The following EGF variants were observed in gnomAD, a reference collection of about 807,000 sequenced individuals.
EGF encodes epidermal growth factor, also known as pro-epidermal growth factor.
A neutral mutation model predicts 143.8 loss-of-function variants in EGF; 95 were observed. The ratio of observed to expected loss-of-function variants is 0.66; its 90% CI spans 0.56 to 0.78. EGF has a LOEUF of 0.78. Ranked by LOEUF, EGF falls within the 30% of genes least tolerant of loss-of-function variation. The probability of loss-of-function intolerance (pLI) is 0.00; values close to 1 mark genes in which losing one functional copy is unlikely to be tolerated. For synonymous variants in EGF, 510 were observed against 510.5 expected, an observed-to-expected ratio of 1.00 and a Z score of 0.01; for missense variants, 1,320 against 1,470.9, an observed-to-expected ratio of 0.90 and a Z score of 1.68.
chr4:109,980,115 G>A lies in EGF; in HGVS notation c.2197G>A (p.Val733Met), dbSNP rs1218723241. The change falls in exon 14 of 24, where the codon GTG becomes ATG. Residue 733 changes from valine (V) to methionine (M), a missense_variant. Physicochemically the swap from Val to Met is conservative, Grantham distance 21. Coordinates refer to ENST00000265171, the MANE Select transcript of EGF (RefSeq NM_001963.6). ...GSMLKPSSLV[V>M]VHPLAKPGAD... is the part of the protein sequence containing the mutation. ...CATGCTGAAGCCCTCATCACTGGTT[G>A]TGGTTCATCCATTGGCAAAACCAGG... is the stretch of plus-strand genomic sequence containing the variant. The A allele has an allele frequency of 6.2e-7, 1 of 1,611,830 alleles. No individual in the cohort carries two copies. The highest frequency in any genetic ancestry group is 1.1e-5 in the South Asian group (1 of 90,564).
chr4:110,006,289 G>T (rs968366047), intron 22 of EGF, among the ~76,000 whole-genome samples: 7 of 151,624 alleles, frequency 4.6e-5, no homozygotes, highest in Admixed American at 2.6e-4. Flanking sequence ...AGGTTGCAGT[G>T]AGCTATGATA....
intron 5 of EGF, among the ~76,000 whole-genome samples, chr4:109,955,773 A>G (rs1306108862): frequency 1.3e-5 from 2 of 152,200 alleles, no homozygotes; most frequent in African/African-American, 4.8e-5. Flanking sequence ...TGTTTACTGG[A>G]TGCCTATGTT....
chr4:109,943,182 A>G (rs942849036), intron 2 of EGF, 72 bp from the exon 3 acceptor site: 65 of 1,060,372 alleles, frequency 6.1e-5, no homozygotes, highest in Non-Finnish European at 8.1e-5. Flanking sequence ...GACTTTTTAT[A>G]TATAACAATT....
In EGF at chr4:110,012,642, A is replaced by C. The variant is rs905886928; in HGVS notation, c.*1187A>C. ...GCAAGGTCGTGCTGGTAATTTTGCA[A>C]AATGAATTGTGATTGACTTTCAGCC... On this transcript the variant is annotated 3_prime_UTR_variant, in exon 24 of 24. Transcript: ENST00000265171. 2.0e-5 allele frequency among the ~76,000 whole-genome samples: 3 copies of C among 152,186 alleles called. No homozygotes were observed. The highest frequency in any genetic ancestry group is 7.2e-5 in the African/African-American group (3 of 41,444).
At chr4:109,951,217 G>A (rs1743859486) in intron 5 of EGF, among the ~76,000 whole-genome samples, 1 of 149,274 alleles carries the variant, frequency 6.7e-6, no homozygotes, top group South Asian at 2.1e-4. Flanking sequence ...AATTAACTGG[G>A]TGTGGTGGTG....
intron 5 of EGF, among the ~76,000 whole-genome samples, chr4:109,958,447 C>T (rs763999465): frequency 5.3e-5 from 8 of 152,094 alleles, no homozygotes; most frequent in Non-Finnish European, 1.0e-4. Context: ...ACACCCAACT[C>T]GCTGAGCAGA....
intron 7 of EGF, among the ~76,000 whole-genome samples, chr4:109,961,376 A>G (rs141507541): frequency 3.2e-4 from 48 of 152,244 alleles, no homozygotes; most frequent in African/African-American, 1.0e-3. Flanking sequence ...AACAAAAACC[A>G]TGGATGACTG....
chr4:109,962,271 G>GATAC (rs1027653674), intron 8 of EGF, among the ~76,000 whole-genome samples: 18 of 152,192 alleles, frequency 1.2e-4, no homozygotes, highest in Non-Finnish European at 1.5e-4. Flanking sequence ...TTTTGGTCTA[G>GATAC]ATACTTGCCC....
In EGF at chr4:109,940,927, T is replaced by G. The variant is rs746054163; in HGVS notation, c.128-19T>G. ...AAAATATTAAAAGTATACAGTTTGG[T>G]CTCTTTCTTCCCACCCAGGTCCTGC... On this transcript the variant is annotated intron_variant, in intron 1 of 23. Coordinates refer to ENST00000265171, the MANE Select transcript of EGF (RefSeq NM_001963.6). 3 of 1,610,846 alleles carry G rather than the reference T, an allele frequency of 1.9e-6. No individual in the cohort carries two copies. The highest frequency in any genetic ancestry group is 1.7e-5 in the Admixed American group (1 of 60,010).
intron 12 of EGF, 61 bp downstream of exon 12, chr4:109,974,868 T>C: frequency 1.5e-6 from 2 of 1,349,722 alleles, no homozygotes; most frequent in Admixed American, 3.4e-5. Context: ...TCATGGTTGA[T>C]ATGCTAGTGT....
chr4:109,922,545 A>G (rs1199234579), intron 1 of EGF, among the ~76,000 whole-genome samples: 1 of 151,696 alleles, frequency 6.6e-6, no homozygotes, highest in East Asian at 1.9e-4. Flanking sequence ...TGCCATTTTC[A>G]AACAAAGGAT....
At chr4:109,955,660 T>C (rs1328564313) in intron 5 of EGF, among the ~76,000 whole-genome samples, 1 of 152,222 alleles carries the variant, frequency 6.6e-6, no homozygotes, top group Admixed American at 6.5e-5. Context: ...ACAAACTGTT[T>C]TGAGTTCTAG....
At position 109,969,832 on chromosome 4, in the gene EGF, A is replaced by C. The variant is rs532063731; in HGVS notation, c.1724+713A>C. 2.0e-5 allele frequency among the ~76,000 whole-genome samples: 3 copies of C among 152,286 alleles called. No individual in the cohort carries two copies. The East Asian group carries it at 5.8e-4, about 29-fold the overall frequency. On this transcript the variant is annotated intron_variant, in intron 11 of 23. Transcript: ENST00000265171. Reference sequence around the variant, plus strand: ...GGTATATTTCCCCAGCAAAATAATTAATGCAAATTCTTGGTCTAAATAGCA... The same window carrying C: ...GGTATATTTCCCCAGCAAAATAATTCATGCAAATTCTTGGTCTAAATAGCA...
chr4:109,933,394 T>C (rs1311153550), intron 1 of EGF, among the ~76,000 whole-genome samples: 3 of 151,978 alleles, frequency 2.0e-5, no homozygotes, highest in African/African-American at 7.2e-5. Context: ...CTTACAGTTC[T>C]CCCAGCCTCT....
intron 11 of EGF, among the ~76,000 whole-genome samples, chr4:109,972,627 C>A (rs187963639): frequency 3.3e-5 from 5 of 152,290 alleles, no homozygotes; most frequent in African/African-American, 7.2e-5. Context: ...CTTCTTATGA[C>A]CACTTCATCC....
In EGF at chr4:109,999,153, A is replaced by AT. The variant is rs893544346; in HGVS notation, c.3006-515dup. 3.9e-3 allele frequency among the ~76,000 whole-genome samples: 572 copies of AT among 148,484 alleles called. 2 individuals are homozygous for AT. The highest frequency in any genetic ancestry group is 0.013 in the African/African-American group (518 of 40,642). Reference sequence around the variant, plus strand: ...TGGGTCTTCCCTTGCACTAGTAGTGATTTTTTTTTTTAAAGGAAAAAAGTT... The same window carrying AT: ...TGGGTCTTCCCTTGCACTAGTAGTGATTTTTTTTTTTTAAAGGAAAAAAGTT... On this transcript the variant is annotated intron_variant, in intron 20 of 23. Coordinates refer to ENST00000265171, the MANE Select transcript of EGF (RefSeq NM_001963.6).
chr4:109,964,299 A>G (rs1211598807), intron 9 of EGF, 102 bp from the exon 10 acceptor site: 1 of 1,525,698 alleles, frequency 6.6e-7, no homozygotes, highest in Non-Finnish European at 9.0e-7. Flanking sequence ...CAAGTACTGT[A>G]GAAATTGGGT....
At chr4:109,992,906 T>C (rs1329876169) in intron 18 of EGF, among the ~76,000 whole-genome samples, 13 of 130,858 alleles carry the variant, frequency 9.9e-5, no homozygotes, top group Non-Finnish European at 2.0e-4. Flanking sequence ...ATGAGAACAC[T>C]TGGACACAGG....
intron 5 of EGF, chr4:109,959,018 G>T: frequency 2.7e-6 from 1 of 367,474 alleles, no homozygotes; most frequent in Non-Finnish European, 5.2e-6. Flanking sequence ...TGTGATAAAA[G>T]TACATTAGAA....
Sources: allele counts gnomAD v4.1 joint callset (sites outside exome capture counted in the v4.1 genomes callset), GRCh38; gene constraint gnomAD v4.1.1; transcripts MANE v1.5; gene names NCBI Gene and HGNC (gene_info 2026-07-23, HGNC 2026-07-21).